Variants in ZZEF1 observed in about 807,000 individuals in gnomAD.
ZZEF1 encodes zinc finger ZZ-type and EF-hand domain-containing protein 1.
ZZEF1 carries 157 observed loss-of-function variants against 342.8 expected under a neutral mutation model. The observed-to-expected ratio is 0.46, with a 90% CI of 0.40 to 0.52. ZZEF1 has a LOEUF of 0.52. ZZEF1 is among the 20% of genes least tolerant of loss of function. ZZEF1 has a pLI of 0.00. For synonymous variants in ZZEF1, 1,505 were observed against 1,429.1 expected, an observed-to-expected ratio of 1.05 and a Z score of -1.20; for missense variants, 3,480 against 3,725.6, an observed-to-expected ratio of 0.93 and a Z score of 1.72.
Position 4,088,672 on chromosome 17 carries a change from C to G in ZZEF1, c.2241+6G>C. 6.2e-7 allele frequency: 1 copy of G among 1,613,190 alleles called. No individual in the cohort carries two copies. Among genetic ancestry groups the G allele is most frequent in the Non-Finnish European group, 8.5e-7 (1 of 1,179,918 alleles). Reference sequence around the variant, plus strand: ...GAATGCCGTCTAACAACTGAGGAAGCCCTACCAGGTCATGGGCGAGCTGCT... The same window carrying G: ...GAATGCCGTCTAACAACTGAGGAAGGCCTACCAGGTCATGGGCGAGCTGCT... On this transcript the variant is annotated splice_donor_region_variant and intron_variant, in intron 13 of 54. Transcript: ENST00000381638.
At chr17:4,078,589 C>T (rs1050164461) in intron 18 of ZZEF1, among the ~76,000 whole-genome samples, 3 of 152,144 alleles carry the variant, frequency 2.0e-5, no homozygotes, top group Non-Finnish European at 4.4e-5. Flanking sequence ...ACACAAGCTT[C>T]GGGATGATGG....
At chr17:4,028,635 G>T (rs899137349) in intron 42 of ZZEF1, among the ~76,000 whole-genome samples, 1 of 151,804 alleles carries the variant, frequency 6.6e-6, no homozygotes, top group Non-Finnish European at 1.5e-5. Context: ...TAAAAGACAG[G>T]GATTATCAGA....
chr17:4,007,446 T>G (rs2055829082), intron 54 of ZZEF1, among the ~76,000 whole-genome samples: 1 of 150,520 alleles, frequency 6.6e-6, no homozygotes, highest in African/African-American at 2.5e-5. Context: ...GAAGAGGGGG[T>G]TGGCAGGGAG....
intron 18 of ZZEF1, among the ~76,000 whole-genome samples, chr17:4,081,037 G>A (rs1339386113): frequency 6.6e-6 from 1 of 152,038 alleles, no homozygotes. Flanking sequence ...AGGAGTTCAA[G>A]ACCAGCCTGG....
intron 24 of ZZEF1, among the ~76,000 whole-genome samples, chr17:4,073,469 T>C (rs2057549173): frequency 6.6e-6 from 1 of 152,216 alleles, no homozygotes; most frequent in Non-Finnish European, 1.5e-5. Flanking sequence ...TCTCTCTCTG[T>C]TACCCAGACT....
At chr17:4,007,117 GGAGA>G in intron 54 of ZZEF1, 147 bp from the exon 55 acceptor site, 1 of 684,906 alleles carries the variant, frequency 1.5e-6, no homozygotes. Context: ...CCTGCAGAGT[GGAGA>G]GAGAAAAAAA....
chr17:4,057,340 G>A (rs1006834867), intron 32 of ZZEF1, among the ~76,000 whole-genome samples: 4 of 152,082 alleles, frequency 2.6e-5, no homozygotes, highest in South Asian at 2.1e-4. Context: ...CCTTGGAACC[G>A]CTCTCCTGAG....
At position 4,014,148 on chromosome 17, in the gene ZZEF1, G is replaced by A. The variant is rs763922309; in HGVS notation, c.8355C>T (p.Asn2785=). The part of the protein sequence containing the change: ...LYYRFTSDMS[N]TEWGYRFTVT... ...CGGTGAATCTGTAGCCCCACTCGGTGTTGCTCATGTCGGAGGTGAAGCGGT... is the reference window on the plus strand; with the variant it reads ...CGGTGAATCTGTAGCCCCACTCGGTATTGCTCATGTCGGAGGTGAAGCGGT... The change falls in exon 51 of 55, where the codon AAC becomes AAT. Residue 2785 remains asparagine (N), a synonymous_variant. Transcript: ENST00000381638. The surrounding 1 kb of genome is among the most constrained non-coding windows in gnomAD (Gnocchi z 4.4). The A allele has an allele frequency of 1.2e-6, 2 of 1,614,180 alleles. No homozygotes were observed. The highest frequency in any genetic ancestry group is 1.7e-5 in the Admixed American group (1 of 60,032).
Position 4,086,606 on chromosome 17 carries a change from G to T in ZZEF1, c.2392C>A (p.Gln798Lys). ...CCCTGCAGCACAGAGAAGCAGCTCTGGAGTAGCTGCAGAAGCAGGGTTTGG... is the reference window on the plus strand; with the variant it reads ...CCCTGCAGCACAGAGAAGCAGCTCTTGAGTAGCTGCAGAAGCAGGGTTTGG... ...SAQTLLLQLL[Q>K]SCFSVLQGDV... Residue 798 changes from glutamine (Q) to lysine (K), a missense_variant, in exon 15 of 55, where the codon CAG becomes AAG. Physicochemically the swap from Gln to Lys is moderately conservative, Grantham distance 53. Around this residue, in one of 5 missense-constraint regions of ZZEF1, gnomAD observed 1,528 missense variants for 1,624.1 expected, o/e 0.94. Transcript: ENST00000381638. The T allele has an allele frequency of 1.9e-6, 3 of 1,614,162 alleles. No individual in the cohort carries two copies. The highest frequency in any genetic ancestry group is 2.5e-6 in the Non-Finnish European group (3 of 1,180,018).
chr17:4,106,688 A>G (rs2058218743), intron 6 of ZZEF1, among the ~76,000 whole-genome samples: 1 of 152,044 alleles, frequency 6.6e-6, no homozygotes, highest in Non-Finnish European at 1.5e-5. Context: ...GAATCCCCCA[A>G]TAGCTTTACC....
chr17:4,023,868 A>AACC (rs2056334537), intron 43 of ZZEF1, among the ~76,000 whole-genome samples: 6 of 151,790 alleles, frequency 4.0e-5, no homozygotes, highest in Admixed American at 3.9e-4. Flanking sequence ...ACAAACAAAC[A>AACC]AACCAACCAA....
chr17:4,044,408 T>G, intron 37 of ZZEF1, 34 bp from the exon 38 acceptor site: 1 of 1,578,166 alleles, frequency 6.3e-7, no homozygotes, highest in Non-Finnish European at 8.6e-7. Context: ...AATTAAGGTT[T>G]CTTATAACAA....
chr17:4,086,503 T>C lies in ZZEF1; in HGVS notation c.2495A>G (p.Tyr832Cys), dbSNP rs762481877. Residue 832 changes from tyrosine to cysteine, a missense_variant, in exon 15 of 55, where the codon TAC (tyrosine) becomes TGC (cysteine). Coordinates refer to ENST00000381638, the MANE Select transcript of ZZEF1 (RefSeq NM_015113.4). The part of the protein sequence containing the change: ...PKGVEAAKEL[Y>C]THLCDVVDKV... ...ATCCCTACCATCACACAAGTGTGTG[T>C]ACAGCTCCTTGGCAGCCTCTACTCC... The C allele has an allele frequency of 6.2e-7, 1 of 1,614,204 alleles. No individual in the cohort carries two copies. The highest frequency in any genetic ancestry group is 8.5e-7 in the Non-Finnish European group (1 of 1,180,036).
At chr17:4,119,187 T>C (rs2058444868) in intron 2 of ZZEF1, among the ~76,000 whole-genome samples, 1 of 152,254 alleles carries the variant, frequency 6.6e-6, no homozygotes, top group Non-Finnish European at 1.5e-5. Context: ...AAACCACATC[T>C]GGTACAGCAG....
At chr17:4,132,783 G>A (rs1416535536) in intron 1 of ZZEF1, among the ~76,000 whole-genome samples, 10 of 119,520 alleles carry the variant, frequency 8.4e-5, no homozygotes, top group Non-Finnish European at 1.6e-4. Flanking sequence ...TGGCTAACAC[G>A]ATGAAACCCC....
intron 2 of ZZEF1, among the ~76,000 whole-genome samples, 191 bp downstream of exon 2, chr17:4,123,716 G>C (rs547024522): frequency 6.6e-6 from 1 of 152,042 alleles, no homozygotes; most frequent in African/African-American, 2.4e-5. Context: ...GTTATAAAAC[G>C]GTAGAACTGC....
chr17:4,034,316 T>C (rs757486237), intron 39 of ZZEF1, 24 bp from the exon 40 acceptor site: 18 of 1,611,798 alleles, frequency 1.1e-5, no homozygotes, highest in Non-Finnish European at 1.5e-5. Context: ...GAGAGAAATC[T>C]GTTCAGTACA....
chr17:4,052,593 G>C (rs1007209729), intron 34 of ZZEF1, among the ~76,000 whole-genome samples: 2 of 152,186 alleles, frequency 1.3e-5, no homozygotes, highest in Non-Finnish European at 2.9e-5. Flanking sequence ...AGGGCCAGGC[G>C]TTGTGGCTCA....
intron 9 of ZZEF1, among the ~76,000 whole-genome samples, chr17:4,101,126 C>A (rs1369566163): frequency 2.0e-5 from 3 of 152,102 alleles, no homozygotes; most frequent in Non-Finnish European, 4.4e-5. Flanking sequence ...CAGGGAAAAC[C>A]ACAGGGAAAC....
Sources: allele counts gnomAD v4.1 joint callset (sites outside exome capture counted in the v4.1 genomes callset), GRCh38; gene constraint gnomAD v4.1.1; regional missense constraint gnomAD v4.1.1; non-coding constraint Gnocchi (gnomAD v3.1); transcripts MANE v1.5; gene names NCBI Gene and HGNC (gene_info 2026-07-23, HGNC 2026-07-21).